The following CES5A variants were observed in gnomAD, a reference collection of about 807,000 sequenced individuals.
CES5A encodes carboxylesterase 5.
Under a neutral mutation model 62.9 loss-of-function variants are expected in CES5A, and 67 were observed. That is an observed-to-expected ratio of 1.07 (90% CI 0.88 to 1.31). The LOEUF is 1.31. Among genes scored for constraint, CES5A ranks in the 50% most tolerant of loss-of-function variants. The pLI, the probability that CES5A is intolerant of heterozygous loss-of-function variation, is 0.00. For missense variants in CES5A, 748 were observed against 708.5 expected, an observed-to-expected ratio of 1.06 and a Z score of -0.63; for synonymous variants, 296 against 280.8, an observed-to-expected ratio of 1.05 and a Z score of -0.54.
chr16:55,950,055 A>C (rs1290028036), intron 1 of CES5A, among the ~76,000 whole-genome samples: 1 of 152,156 alleles, frequency 6.6e-6, no homozygotes, highest in Admixed American at 6.5e-5. Context: ...AGGGGTACCC[A>C]CAGTAGATGA....
At position 55,953,903 on chromosome 16, in the gene CES5A, A is replaced by G. The variant is rs72810555; in HGVS notation, c.42+1941T>C. 6.3e-3 allele frequency among the ~76,000 whole-genome samples: 954 copies of G among 152,250 alleles called. 10 individuals carry two copies. The highest frequency in any genetic ancestry group is 9.7e-3 in the Non-Finnish European group (663 of 68,000). ...TTTGTGTTAGAAACATTCCAATTCC[A>G]CTATTTTAGTTATTTCTAAATACAC... On this transcript the variant is annotated intron_variant, in intron 1 of 13. Transcript: ENST00000521992.
intron 2 of CES5A, chr16:55,949,642 A>G (rs993092396): frequency 3.2e-5 from 13 of 405,836 alleles, no homozygotes; most frequent in Admixed American, 8.4e-5. Flanking sequence ...GAGGCAGGAT[A>G]AGAACATCTT....
In CES5A at chr16:55,849,661, G is replaced by T; in HGVS notation, c.1386C>A (p.Phe462Leu). 6.2e-7 allele frequency: 1 copy of T among 1,613,974 alleles called. No individual in the cohort carries two copies. The highest frequency in any genetic ancestry group is 8.5e-7 in the Non-Finnish European group (1 of 1,179,890). ...ADHADEVRFV[F>L]GGAFLKGDIV... ...TGTCCCCCTTCAGGAAGGCACCACC[G>T]AACACAAAGCGGACTTCATCAGCGT... The change falls in exon 11 of 13, where the codon TTC becomes TTA. Residue 462 changes from phenylalanine (F) to leucine (L), a missense_variant. Transcript: ENST00000290567.
chr16:55,871,553 T>TAGC, intron 3 of CES5A, 72 bp downstream of exon 3: 3 of 1,567,226 alleles, frequency 1.9e-6, no homozygotes, highest in Non-Finnish European at 2.6e-6. Flanking sequence ...TCCAGACATG[T>TAGC]AGCTGCACTG....
intron 1 of CES5A, among the ~76,000 whole-genome samples, chr16:55,899,022 C>T (rs1227980590): frequency 6.6e-6 from 1 of 152,080 alleles, no homozygotes; most frequent in Non-Finnish European, 1.5e-5. Context: ...GACAGAGGTG[C>T]TAAGGTAAGC....
At chr16:55,898,692 G>A (rs1259858525) in intron 1 of CES5A, among the ~76,000 whole-genome samples, 1 of 152,200 alleles carries the variant, frequency 6.6e-6, no homozygotes, top group Admixed American at 6.5e-5. Flanking sequence ...GCATCCCTAG[G>A]AGGCATATGG....
intron 1 of CES5A, among the ~76,000 whole-genome samples, chr16:55,908,291 T>G (rs1443373040): frequency 1.3e-5 from 2 of 152,230 alleles, no homozygotes; most frequent in African/African-American, 4.8e-5. Context: ...CAGTCCCATC[T>G]GTCAGCATCC....
intron 1 of CES5A, among the ~76,000 whole-genome samples, chr16:55,953,396 C>G (rs1310092895): frequency 6.6e-6 from 1 of 152,084 alleles, no homozygotes; most frequent in African/African-American, 2.4e-5. Context: ...TTAGTATATG[C>G]AGTCAGTATA....
rs763141152 is a variant in CES5A at position 55,854,531 on chromosome 16, C to CT, written c.1126-1504dup. Reference sequence around the variant, plus strand: ...TGAGGGATATCTGCCTGTAGTGTTTCTTTTTTTTTTTTCTTTTTTTTTTTT... The same window carrying CT: ...TGAGGGATATCTGCCTGTAGTGTTTCTTTTTTTTTTTTTCTTTTTTTTTTTT... On this transcript the variant is annotated intron_variant, in intron 9 of 12. Coordinates refer to ENST00000290567, the MANE Select transcript of CES5A (RefSeq NM_001143685.2). Among the ~76,000 whole-genome samples, 25 of 52,152 alleles carry CT rather than the reference C, an allele frequency of 4.8e-4. 1 individual carries two copies. The highest frequency in any genetic ancestry group is 8.9e-4 in the South Asian group (1 of 1,118). The allele number at this position is 52,152 out of a possible 152,430, so 34.2% of individuals were successfully genotyped here.
intron 2 of CES5A, among the ~76,000 whole-genome samples, chr16:55,948,986 T>A (rs1392105491): frequency 6.6e-6 from 1 of 152,176 alleles, no homozygotes; most frequent in Non-Finnish European, 1.5e-5. Flanking sequence ...TAAGGGGCCG[T>A]TGCCTCCCCA....
chr16:55,859,454 T>C (rs1303026835), intron 8 of CES5A, 93 bp downstream of exon 8: 3 of 1,298,694 alleles, frequency 2.3e-6, no homozygotes, highest in East Asian at 2.3e-5. Context: ...GCACTTACAA[T>C]ACCTGATGTC....
At chr16:55,854,544 C>CTTTCTTTTTTTT (rs2033200146) in intron 9 of CES5A, among the ~76,000 whole-genome samples, 2 of 64,426 alleles carry the variant, frequency 3.1e-5, no homozygotes, top group Non-Finnish European at 5.2e-5. Flanking sequence ...TTTTTTTTTT[C>CTTTCTTTTTTTT]TTTTTTTTTT....
intron 2 of CES5A, among the ~76,000 whole-genome samples, chr16:55,936,930 G>A (rs1356422467): frequency 1.3e-5 from 2 of 152,108 alleles, no homozygotes; most frequent in Non-Finnish European, 2.9e-5. Flanking sequence ...ACTCTGGTGA[G>A]GGAGCATTAT....
At chr16:55,870,320 GAGA>G (rs1324384996) in intron 3 of CES5A, among the ~76,000 whole-genome samples, 2 of 151,826 alleles carry the variant, frequency 1.3e-5, no homozygotes, top group Non-Finnish European at 2.9e-5. Context: ...AGAGGAGAAG[GAGA>G]AGAAGAAAGA....
At chr16:55,899,627 G>A (rs1436829420) in intron 1 of CES5A, among the ~76,000 whole-genome samples, 1 of 152,176 alleles carries the variant, frequency 6.6e-6, no homozygotes, top group Non-Finnish European at 1.5e-5. Flanking sequence ...CACCTTCTAA[G>A]TTTTACTAGG....
chr16:55,922,178 CCTTA>C (rs1161418219), intron 1 of CES5A, among the ~76,000 whole-genome samples: 1 of 151,720 alleles, frequency 6.6e-6, no homozygotes, highest in Admixed American at 6.6e-5. Flanking sequence ...AATAGTAAGC[CCTTA>C]CTTAATAATA....
chr16:55,884,799 C>T (rs1431332442), intron 1 of CES5A, among the ~76,000 whole-genome samples: 1 of 152,042 alleles, frequency 6.6e-6, no homozygotes, highest in African/African-American at 2.4e-5. Context: ...CTTATGTTGC[C>T]CAGGTTGGTC....
At chr16:55,890,461 T>C (rs1391279024) in intron 1 of CES5A, among the ~76,000 whole-genome samples, 1 of 151,914 alleles carries the variant, frequency 6.6e-6, no homozygotes, top group Non-Finnish European at 1.5e-5. Flanking sequence ...GTTCAATCAA[T>C]GAAAATCTTG....
At position 55,895,856 on chromosome 16, in the gene CES5A, G is replaced by T. The variant is rs571433331; in HGVS notation, c.-255-21819C>A. On this transcript the variant is annotated intron_variant, in intron 1 of 12. Transcript: ENST00000518005. The stretch of plus-strand genomic sequence containing the variant: ...TATGGCAGCATTTGAAGGGGGGCCT[G>T]GTGGGAGATGTTTAGGTCATGGGTC... 5.9e-5 allele frequency among the ~76,000 whole-genome samples: 9 copies of T among 152,222 alleles called. No homozygotes were observed. In the South Asian group the frequency reaches 1.9e-3, roughly 32 times the overall value.
Sources: gnomAD v4.1 joint callset for allele counts (sites outside exome capture counted in the v4.1 genomes callset) on GRCh38, gnomAD v4.1.1 for gene constraint, MANE v1.5 for transcripts, NCBI Gene and HGNC (gene_info 2026-07-23, HGNC 2026-07-21) for gene names.